The following PPARGC1A variants were observed in gnomAD, a reference collection of about 807,000 sequenced individuals.
PPARGC1A encodes the protein peroxisome proliferator-activated receptor gamma coactivator 1-alpha.
A neutral mutation model predicts 88.7 loss-of-function variants in PPARGC1A; 25 were observed. That is an observed-to-expected ratio of 0.28 (90% CI 0.21 to 0.39). PPARGC1A has a LOEUF of 0.39. PPARGC1A is among the 10% of genes least tolerant of loss of function. The probability of loss-of-function intolerance (pLI) is 1.00; values close to 1 mark genes in which losing one functional copy is unlikely to be tolerated. For synonymous variants in PPARGC1A, 363 were observed against 355.6 expected (o/e 1.02, Z -0.24); for missense variants, 880 against 968.7 (o/e 0.91, Z 1.22).
chr4:23,918,983 A>G, the PPARGC1A span, among the ~76,000 whole-genome samples: 1 of 152,108 alleles, frequency 6.6e-6, no homozygotes, highest in African/African-American at 2.4e-5. Flanking sequence ...TTTAGGACCC[A>G]TCTATTTTAT....
At position 23,795,295 on chromosome 4, in the gene PPARGC1A, A is replaced by T. The variant is rs1239504955; in HGVS notation, c.*527T>A. On this transcript the variant is annotated 3_prime_UTR_variant, in exon 13 of 13. Coordinates refer to ENST00000264867, the MANE Select transcript of PPARGC1A (RefSeq NM_013261.5). ...TAGTTTTCTTTCCTTTTTAATTTATATATATATATATATATATATATATAT... is the reference window on the plus strand; with the variant it reads ...TAGTTTTCTTTCCTTTTTAATTTATTTATATATATATATATATATATATAT... 1 of 2,036 alleles carries T rather than the reference A, an allele frequency of 4.9e-4. No individual in the cohort carries two copies. Among genetic ancestry groups the T allele is most frequent in the Non-Finnish European group, 8.3e-4 (1 of 1,202 alleles). The allele number at this position is 2,036 out of a possible 1,614,324, so 0.1% of individuals were successfully genotyped here. A position where few individuals can be genotyped will look rare whatever the true frequency, so the allele number is the denominator to read the frequency against.
chr4:24,399,388 A>T, the PPARGC1A span, among the ~76,000 whole-genome samples: 9 of 152,110 alleles, frequency 5.9e-5, no homozygotes, highest in Admixed American at 5.9e-4. Context: ...GTACAAATGA[A>T]CCTATCCCTA....
At chr4:24,260,746 GA>G in the PPARGC1A span, among the ~76,000 whole-genome samples, 3 of 151,386 alleles carry the variant, frequency 2.0e-5, no homozygotes, top group African/African-American at 4.9e-5. Context: ...CTATGAAAAA[GA>G]TGGCATTTTT....
the PPARGC1A span, among the ~76,000 whole-genome samples, chr4:24,242,078 A>C: frequency 6.6e-6 from 1 of 152,144 alleles, no homozygotes; most frequent in Non-Finnish European, 1.5e-5. Flanking sequence ...CCAGCCCACT[A>C]CTGCTGCCCT....
the PPARGC1A span, among the ~76,000 whole-genome samples, chr4:24,237,448 A>G: frequency 1.2e-4 from 19 of 152,154 alleles, no homozygotes; most frequent in Non-Finnish European, 2.5e-4. Flanking sequence ...CCAAATCTCC[A>G]TTCCTCATTC....
chr4:24,179,969 C>G, the PPARGC1A span, among the ~76,000 whole-genome samples: 3 of 152,032 alleles, frequency 2.0e-5, no homozygotes, highest in African/African-American at 7.2e-5. Flanking sequence ...ATTCATAGAT[C>G]CTACCCACCA....
chr4:24,052,322 T>G, the PPARGC1A span, among the ~76,000 whole-genome samples: 1 of 152,120 alleles, frequency 6.6e-6, no homozygotes, highest in Non-Finnish European at 1.5e-5. Flanking sequence ...GCCTCTTAAG[T>G]AGAATCAGGC....
the PPARGC1A span, among the ~76,000 whole-genome samples, chr4:24,236,695 C>T: frequency 5.3e-5 from 8 of 152,188 alleles, no homozygotes; most frequent in African/African-American, 1.7e-4. Flanking sequence ...TATCCTGCCC[C>T]ATCTGCAAAC....
chr4:24,067,871 C>T, the PPARGC1A span, among the ~76,000 whole-genome samples: 1 of 152,204 alleles, frequency 6.6e-6, no homozygotes, highest in Non-Finnish European at 1.5e-5. Flanking sequence ...CATGCTTTCC[C>T]CACTGCCAGA....
the PPARGC1A span, among the ~76,000 whole-genome samples, chr4:23,963,683 C>T: frequency 6.6e-6 from 1 of 152,160 alleles, no homozygotes; most frequent in Non-Finnish European, 1.5e-5. Context: ...CCTTCACCCT[C>T]TGGTCAGCTT....
At chr4:24,009,309 G>C in the PPARGC1A span, among the ~76,000 whole-genome samples, 3 of 152,080 alleles carry the variant, frequency 2.0e-5, no homozygotes, top group African/African-American at 7.2e-5. Context: ...GCAAGTAAAG[G>C]AGGCAAGAAA....
At chr4:24,318,972 T>C in the PPARGC1A span, among the ~76,000 whole-genome samples, 1 of 151,974 alleles carries the variant, frequency 6.6e-6, no homozygotes, top group African/African-American at 2.4e-5. Flanking sequence ...AACAGGGAGA[T>C]CTCCAGGACC....
the PPARGC1A span, among the ~76,000 whole-genome samples, chr4:24,066,648 G>T: frequency 6.6e-6 from 1 of 152,092 alleles, no homozygotes; most frequent in Non-Finnish European, 1.5e-5. Flanking sequence ...TAGGGGAAAA[G>T]GTCCCCTGGG....
chr4:24,337,395 A>T, the PPARGC1A span, among the ~76,000 whole-genome samples: 1 of 152,234 alleles, frequency 6.6e-6, no homozygotes, highest in African/African-American at 2.4e-5. Flanking sequence ...TGCTGAGGAT[A>T]TAAAGATGAA....
chr4:23,912,382 A>C, the PPARGC1A span, among the ~76,000 whole-genome samples: 1 of 152,146 alleles, frequency 6.6e-6, no homozygotes, highest in African/African-American at 2.4e-5. Flanking sequence ...TTAGGGTCTT[A>C]TGATGATCCC....
chr4:23,853,612 G>A (rs1322634112), intron 2 of PPARGC1A, among the ~76,000 whole-genome samples: 4 of 152,060 alleles, frequency 2.6e-5, no homozygotes, highest in East Asian at 1.9e-4. Flanking sequence ...ATTCTTTGCT[G>A]TACCTGAAAT....
chr4:23,925,821 A>T, the PPARGC1A span, among the ~76,000 whole-genome samples: 1 of 149,966 alleles, frequency 6.7e-6, no homozygotes, highest in Non-Finnish European at 1.5e-5. Flanking sequence ...ACTTGCAGTG[A>T]AACTTAATAC....
chr4:24,085,857 A>G, the PPARGC1A span, among the ~76,000 whole-genome samples: 121 of 152,282 alleles, frequency 7.9e-4, 2 homozygotes, highest in African/African-American at 2.8e-3. Flanking sequence ...TCTCAGTCTC[A>G]TGTAATAATT....
chr4:24,355,745 G>A, the PPARGC1A span, among the ~76,000 whole-genome samples: 1 of 152,026 alleles, frequency 6.6e-6, no homozygotes, highest in African/African-American at 2.4e-5. Flanking sequence ...AGAGACAAGC[G>A]ACACACAAAA....
Sources: allele counts gnomAD v4.1 joint callset (sites outside exome capture counted in the v4.1 genomes callset), GRCh38; gene constraint gnomAD v4.1.1; transcripts MANE v1.5; gene names NCBI Gene and HGNC (gene_info 2026-07-23, HGNC 2026-07-21).